Variants in EIF4G3 observed in about 807,000 individuals in gnomAD.
EIF4G3 encodes eIF-4-gamma 3.
Under a neutral mutation model 186.4 loss-of-function variants are expected in EIF4G3, and 34 were observed. The ratio of observed to expected loss-of-function variants is 0.18; its 90% confidence interval spans 0.14 to 0.24. The LOEUF is 0.24. EIF4G3 is among the 10% of genes least tolerant of loss of function. EIF4G3 has a pLI of 1.00. For missense variants in EIF4G3, 1,536 were observed against 1,948.5 expected, an observed-to-expected ratio of 0.79 and a Z score of 3.99; for synonymous variants, 673 against 679.5, an observed-to-expected ratio of 0.99 and a Z score of 0.15.
In EIF4G3 at chr1:21,023,845, G is replaced by C. The variant is rs571067939; in HGVS notation, c.-66-21037C>G. Among the ~76,000 whole-genome samples, 154 of 142,386 alleles carry C rather than the reference G, an allele frequency of 1.1e-3. 1 individual carries two copies. Among genetic ancestry groups the C allele is most frequent in the African/African-American group, 3.7e-3 (142 of 38,694 alleles). 93.4% of individuals were successfully genotyped at this position (142,386 alleles called of 152,430 possible). On this transcript the variant is annotated intron_variant, in intron 4 of 36. Coordinates refer to ENST00000602326, the MANE Select transcript of EIF4G3 (RefSeq NM_001391906.1). ...TCTTCCCGGCCGCCATCACATCTACGAAGTGAGGAGCGTCTCTGCCCGGCC... is the reference window on the plus strand; with the variant it reads ...TCTTCCCGGCCGCCATCACATCTACCAAGTGAGGAGCGTCTCTGCCCGGCC...
At chr1:20,935,855 C>T (rs2095501622) in intron 14 of EIF4G3, among the ~76,000 whole-genome samples, 1 of 152,184 alleles carries the variant, frequency 6.6e-6, no homozygotes, top group African/African-American at 2.4e-5. Context: ...CAGCTCTAGG[C>T]TGACTGAATT....
intron 2 of EIF4G3, among the ~76,000 whole-genome samples, chr1:21,122,182 A>C (rs989798678): frequency 6.6e-6 from 1 of 152,224 alleles, no homozygotes; most frequent in South Asian, 2.1e-4. Flanking sequence ...ATTCTGCTTA[A>C]AACAATGACA....
chr1:20,835,431 A>G (rs1301203323), intron 30 of EIF4G3, among the ~76,000 whole-genome samples: 2 of 152,148 alleles, frequency 1.3e-5, no homozygotes, highest in Non-Finnish European at 2.9e-5. Context: ...AAAAAAATCA[A>G]TGATACTCGG....
intron 12 of EIF4G3, among the ~76,000 whole-genome samples, chr1:20,964,019 A>G (rs2074060450): frequency 6.6e-6 from 1 of 151,870 alleles, no homozygotes; most frequent in African/African-American, 2.4e-5. Context: ...TCATGTATTT[A>G]TTTTTACACT....
chr1:20,973,168 A>C (rs2076229098), intron 10 of EIF4G3, 69 bp from the exon 11 acceptor site: 1 of 1,146,688 alleles, frequency 8.7e-7, no homozygotes, highest in Non-Finnish European at 1.3e-6. Flanking sequence ...TAGCAATGAC[A>C]CTGTGTCTCT....
intron 4 of EIF4G3, among the ~76,000 whole-genome samples, chr1:21,045,398 T>G (rs1217577975): frequency 1.3e-5 from 2 of 152,156 alleles, no homozygotes; most frequent in Non-Finnish European, 2.9e-5. Context: ...ATCTAACCAG[T>G]GGATCATATA....
chr1:21,066,780 C>T (rs748325996), intron 3 of EIF4G3, among the ~76,000 whole-genome samples: 2 of 152,130 alleles, frequency 1.3e-5, no homozygotes, highest in Non-Finnish European at 2.9e-5. Flanking sequence ...CTTTCCTTTT[C>T]CTTAAAATAA....
intron 4 of EIF4G3, among the ~76,000 whole-genome samples, chr1:21,024,770 C>T (rs2091784856): frequency 6.7e-6 from 1 of 149,186 alleles, no homozygotes; most frequent in South Asian, 2.2e-4. Context: ...CCGCAGGGTC[C>T]TCTGCCTAGG....
intron 4 of EIF4G3, among the ~76,000 whole-genome samples, chr1:21,007,796 CTT>C (rs982140092): frequency 7.2e-5 from 11 of 152,122 alleles, no homozygotes; most frequent in Admixed American, 5.2e-4. Flanking sequence ...AGATAAATGT[CTT>C]AAGAAAATAT....
chr1:21,176,092 G>T, intron 2 of EIF4G3, 83 bp downstream of exon 2: 1 of 269,816 alleles, frequency 3.7e-6, no homozygotes, highest in East Asian at 6.9e-5. Context: ...GTGGCGGCCG[G>T]CAGGAGGGTC....
At chr1:21,072,129 T>C (rs1008265717) in intron 3 of EIF4G3, among the ~76,000 whole-genome samples, 16 of 152,236 alleles carry the variant, frequency 1.1e-4, no homozygotes, top group Non-Finnish European at 2.1e-4. Flanking sequence ...TTTTGTATCA[T>C]GTACATCTAG....
intron 12 of EIF4G3, among the ~76,000 whole-genome samples, chr1:20,964,353 C>G (rs935724379): frequency 6.6e-6 from 1 of 152,216 alleles, no homozygotes; most frequent in African/African-American, 2.4e-5. Context: ...GCACCTCCAT[C>G]TACGCACTGT....
At chr1:21,004,711 C>T (rs992996913) in intron 4 of EIF4G3, among the ~76,000 whole-genome samples, 6 of 151,872 alleles carry the variant, frequency 4.0e-5, no homozygotes, top group Admixed American at 1.3e-4. Context: ...GACCATTTAA[C>T]GTTTAGCTGG....
intron 20 of EIF4G3, among the ~76,000 whole-genome samples, chr1:20,871,077 C>T (rs916132172): frequency 6.6e-6 from 1 of 152,032 alleles, no homozygotes; most frequent in Non-Finnish European, 1.5e-5. Context: ...AAAGGCCTAC[C>T]CTTTAAGACT....
intron 4 of EIF4G3, among the ~76,000 whole-genome samples, chr1:21,025,394 G>C (rs572189469): frequency 6.6e-5 from 10 of 152,094 alleles, no homozygotes; most frequent in African/African-American, 2.2e-4. Flanking sequence ...GATCTATTCC[G>C]ACAGCCCAGG....
chr1:21,105,427 T>C (rs576838649), intron 2 of EIF4G3, among the ~76,000 whole-genome samples: 1 of 149,738 alleles, frequency 6.7e-6, no homozygotes, highest in Non-Finnish European at 1.5e-5. Context: ...AAACTCCGTC[T>C]TAAAAAAAAA....
At chr1:21,114,216 G>A (rs1395389516) in intron 2 of EIF4G3, among the ~76,000 whole-genome samples, 5 of 150,578 alleles carry the variant, frequency 3.3e-5, no homozygotes, top group Non-Finnish European at 5.9e-5. Context: ...GCGCGATCTC[G>A]CCTCACTGAA....
intron 3 of EIF4G3, among the ~76,000 whole-genome samples, chr1:21,053,573 G>A (rs1456692602): frequency 8.4e-5 from 12 of 142,572 alleles, no homozygotes; most frequent in Non-Finnish European, 1.7e-4. Flanking sequence ...CCGGCCAGCC[G>A]CCCTGTCCGG....
chr1:21,070,951 G>C (rs1170047993), intron 3 of EIF4G3, among the ~76,000 whole-genome samples: 6 of 152,120 alleles, frequency 3.9e-5, no homozygotes, highest in African/African-American at 1.2e-4. Flanking sequence ...CTTGAGAGTA[G>C]GTACAACCGC....
Sources: allele counts gnomAD v4.1 joint callset (sites outside exome capture counted in the v4.1 genomes callset), GRCh38; gene constraint gnomAD v4.1.1; transcripts MANE v1.5; gene names NCBI Gene and HGNC (gene_info 2026-07-23, HGNC 2026-07-21).